Variants in TSHZ2 observed in about 807,000 individuals in gnomAD.
TSHZ2 encodes teashirt homolog 2.
A neutral mutation model predicts 74.4 loss-of-function variants in TSHZ2; 21 were observed. That is an observed-to-expected ratio of 0.28 (90% confidence interval 0.20 to 0.41). TSHZ2 has a LOEUF of 0.41. TSHZ2 is among the 10% of genes least tolerant of loss of function. The pLI is 1.00. For missense variants in TSHZ2, 1,244 were observed against 1,293.5 expected, an observed-to-expected ratio of 0.96 and a Z score of 0.59; for synonymous variants, 540 against 515.3, an observed-to-expected ratio of 1.05 and a Z score of -0.65.
chr20:53,008,459 C>T (rs1982725406), intron 1 of TSHZ2, among the ~76,000 whole-genome samples: 1 of 151,960 alleles, frequency 6.6e-6, no homozygotes, highest in Admixed American at 6.6e-5. Flanking sequence ...GGCTTAAGAG[C>T]CTGGGTTAGG....
intron 2 of TSHZ2, among the ~76,000 whole-genome samples, chr20:53,384,615 T>A (rs1482930241): frequency 6.6e-6 from 1 of 152,126 alleles, no homozygotes; most frequent in Non-Finnish European, 1.5e-5. Flanking sequence ...TGGGCCTGTG[T>A]TCAATTTTAT....
rs11475183 is a variant in TSHZ2, at chr20:53,155,052, A to ATT, written c.41-98425_41-98424dup. On this transcript the variant is annotated intron_variant, in intron 1 of 2. Transcript: ENST00000371497. ...TTCTAAGACAGGTGTTTGAATATGCATTTTTTTTTTTTTTTTTTTTTTTAG... is the reference window on the plus strand; with the variant it reads ...TTCTAAGACAGGTGTTTGAATATGCATTTTTTTTTTTTTTTTTTTTTTTTTAG... Among the ~76,000 whole-genome samples the ATT allele has an allele frequency of 3.2e-3, 382 of 118,062 alleles. 1 individual carries two copies. Among genetic ancestry groups the ATT allele is most frequent in the African/African-American group, 0.011 (342 of 30,408 alleles). The allele number at this position is 118,062 out of a possible 152,430, so 77.5% of individuals were successfully genotyped here. A position where few individuals can be genotyped will look rare whatever the true frequency, so the allele number is the denominator to read the frequency against.
intron 2 of TSHZ2, among the ~76,000 whole-genome samples, chr20:53,314,622 C>CTTTTT (rs11475290): frequency 7.9e-6 from 1 of 126,684 alleles, no homozygotes; most frequent in Non-Finnish European, 1.7e-5. Flanking sequence ...GTAGTCCTAG[C>CTTTTT]TTTTTTTTTT....
intron 1 of TSHZ2, among the ~76,000 whole-genome samples, chr20:53,071,933 G>C (rs975040596): frequency 6.6e-6 from 1 of 152,138 alleles, no homozygotes; most frequent in Non-Finnish European, 1.5e-5. Flanking sequence ...ACCCAGGCCG[G>C]CATTTTGCAA....
intron 2 of TSHZ2, among the ~76,000 whole-genome samples, chr20:53,345,676 C>T (rs1483112714): frequency 6.7e-6 from 1 of 149,668 alleles, no homozygotes. Flanking sequence ...CGCCTGCCCG[C>T]CCCCCCATTC....
chr20:53,227,531 G>C (rs948235043), intron 1 of TSHZ2, among the ~76,000 whole-genome samples: 4 of 151,788 alleles, frequency 2.6e-5, no homozygotes, highest in African/African-American at 9.7e-5. Context: ...TGACCTATCA[G>C]AGTGACATGG....
intron 2 of TSHZ2, among the ~76,000 whole-genome samples, chr20:53,469,731 A>C (rs1274589291): frequency 7.7e-6 from 1 of 130,264 alleles, no homozygotes; most frequent in Non-Finnish European, 1.7e-5. Flanking sequence ...GAAGGGAGGG[A>C]GGAAGGAAGG....
chr20:53,173,288 T>TA (rs1211132624), intron 1 of TSHZ2, among the ~76,000 whole-genome samples: 13 of 152,350 alleles, frequency 8.5e-5, no homozygotes, highest in Admixed American at 8.5e-4. Flanking sequence ...ATCCACCTGC[T>TA]AAAATGCTAG....
chr20:53,371,650 C>A (rs920193297), intron 2 of TSHZ2, among the ~76,000 whole-genome samples: 3 of 152,022 alleles, frequency 2.0e-5, no homozygotes, highest in Non-Finnish European at 4.4e-5. Flanking sequence ...CCGAAGTGGG[C>A]GGATCACTTG....
At chr20:52,999,181 G>C (rs1006733571) in intron 1 of TSHZ2, among the ~76,000 whole-genome samples, 2 of 152,136 alleles carry the variant, frequency 1.3e-5, no homozygotes, top group Non-Finnish European at 2.9e-5. Flanking sequence ...GTTGGAATCA[G>C]AGTGGTTCTC....
At chr20:53,051,209 G>C (rs1984446736) in intron 1 of TSHZ2, among the ~76,000 whole-genome samples, 1 of 152,084 alleles carries the variant, frequency 6.6e-6, no homozygotes, top group East Asian at 1.9e-4. Context: ...TGTGGTGGCT[G>C]GCGCCTGTAA....
rs980307037 is a variant in TSHZ2 at position 53,180,272 on chromosome 20, A to AT, written c.41-73222dup. Among the ~76,000 whole-genome samples the AT allele has an allele frequency of 2.0e-5, 3 of 152,148 alleles. 1 individual carries two copies. Among genetic ancestry groups the AT allele is most frequent in the Admixed American group, 2.0e-4 (3 of 15,276 alleles). On this transcript the variant is annotated intron_variant, in intron 1 of 2. Transcript: ENST00000371497. ...ATTACCAAAATCCATCTTTCATTAC[A>AT]TTTTTGCATTTGGGTAGAATCTATT...
At chr20:53,016,785 A>G (rs556698677) in intron 1 of TSHZ2, among the ~76,000 whole-genome samples, 1 of 152,200 alleles carries the variant, frequency 6.6e-6, no homozygotes, top group Non-Finnish European at 1.5e-5. Context: ...TATTCACGCT[A>G]CTCATCTGCC....
chr20:53,060,816 A>G (rs1327617977), intron 1 of TSHZ2, among the ~76,000 whole-genome samples: 1 of 152,216 alleles, frequency 6.6e-6, no homozygotes, highest in African/African-American at 2.4e-5. Context: ...AAAACCGTGG[A>G]TATCAACAGC....
intron 1 of TSHZ2, among the ~76,000 whole-genome samples, chr20:53,221,735 C>T (rs1197673380): frequency 8.5e-5 from 13 of 152,092 alleles, no homozygotes; most frequent in African/African-American, 2.7e-4. Flanking sequence ...AATATTGTTT[C>T]GTAAAAACAA....
At chr20:53,015,605 T>C (rs1983007799) in intron 1 of TSHZ2, among the ~76,000 whole-genome samples, 1 of 152,176 alleles carries the variant, frequency 6.6e-6, no homozygotes, top group South Asian at 2.1e-4. Flanking sequence ...GCACAGCACA[T>C]TCCTTTAGCC....
At chr20:53,306,275 C>G (rs1408982677) in intron 2 of TSHZ2, among the ~76,000 whole-genome samples, 1 of 152,154 alleles carries the variant, frequency 6.6e-6, no homozygotes, top group Non-Finnish European at 1.5e-5. Flanking sequence ...CTTGGACCAC[C>G]CCTCCCTCTT....
chr20:53,147,124 T>G (rs1489024438), intron 1 of TSHZ2, among the ~76,000 whole-genome samples: 4 of 152,232 alleles, frequency 2.6e-5, no homozygotes, highest in Non-Finnish European at 4.4e-5. Flanking sequence ...TTTTATTCTT[T>G]GTGATCTCAA....
Position 53,256,362 on chromosome 20 carries a change from GC to G in TSHZ2, c.2905del (p.Gln969LysfsTer16). On this transcript the variant is annotated frameshift_variant, in exon 2 of 3. Transcript: ENST00000371497. LOFTEE classifies it high-confidence loss of function. This position sits in a 1 kb window ranked among gnomAD's most constrained non-coding sequence, Gnocchi z 4.3. Reference protein sequence around the residue: ...LSVDQQSKVEQEISRVSSAQR... With the variant: ...LSVDQQSKVEXEISRVSSAQR... The stretch of plus-strand genomic sequence containing the variant: ...CAGTGGACCAGCAAAGCAAGGTGGA[GC>G]AAGAGATCTCCCGGGTATCGTCGGC... The G allele has an allele frequency of 6.2e-7, 1 of 1,613,388 alleles. No homozygotes were observed. Among genetic ancestry groups the G allele is most frequent in the Non-Finnish European group, 8.5e-7 (1 of 1,179,362 alleles).
Sources: gnomAD v4.1 joint callset for allele counts (sites outside exome capture counted in the v4.1 genomes callset) on GRCh38, gnomAD v4.1.1 for gene constraint, Gnocchi (gnomAD v3.1) non-coding constraint, MANE v1.5 for transcripts, NCBI Gene and HGNC (gene_info 2026-07-23, HGNC 2026-07-21) for gene names.